TENM2: variants seen among roughly 807,000 people sequenced by gnomAD.
The protein encoded by TENM2 is teneurin transmembrane protein 2.
A neutral mutation model predicts 245.2 loss-of-function variants in TENM2; 52 were observed. The ratio of observed to expected loss-of-function variants is 0.21; its 90% CI spans 0.17 to 0.27. The LOEUF is 0.27. Among genes scored for constraint, TENM2 ranks in the 10% least tolerant of loss-of-function variants. TENM2 has a pLI of 1.00. For missense variants in TENM2, 3,046 were observed against 3,666.8 expected (o/e 0.83, Z 4.37); for synonymous variants, 1,363 against 1,438.9 (o/e 0.95, Z 1.19).
At chr5:167,306,501 C>A (rs1045925540) in intron 1 of TENM2, 4 of 150,334 alleles carry the variant, frequency 2.7e-5, no homozygotes, top group South Asian at 4.2e-4. Flanking sequence ...AAAAAAAAAA[C>A]AACAACTAGA....
At chr5:167,152,187 T>C in the TENM2 span, among the ~76,000 whole-genome samples, 2 of 152,232 alleles carry the variant, frequency 1.3e-5, no homozygotes, top group African/African-American at 4.8e-5. Context: ...ATTTTCTTTT[T>C]CTTCACAAGG....
the TENM2 span, among the ~76,000 whole-genome samples, chr5:167,022,384 A>G: frequency 6.6e-6 from 1 of 152,238 alleles, no homozygotes; most frequent in Admixed American, 6.5e-5. Flanking sequence ...GCCAGATGCA[A>G]AAGAGAGTAC....
rs982872291 is a variant in TENM2, at chr5:167,882,168, C to A, written c.712+5973C>A. 7.9e-5 allele frequency among the ~76,000 whole-genome samples: 12 copies of A among 152,170 alleles called. 1 individual carries two copies. In the South Asian group the frequency reaches 1.2e-3, roughly 16 times the overall value. ...ACAGTGAAAGCGTTGTATTAAAGGG[C>A]ATGGGTTACAATTTTTTAAAGATTT... On this transcript the variant is annotated intron_variant, in intron 3 of 28. Coordinates refer to ENST00000518659, the Ensembl canonical transcript of TENM2.
chr5:168,249,300 A>G (rs1038622005), intron 27 of TENM2, among the ~76,000 whole-genome samples: 1 of 152,134 alleles, frequency 6.6e-6, no homozygotes, highest in Non-Finnish European at 1.5e-5. Flanking sequence ...GGTGAGAGAC[A>G]TATTCAAATA....
intron 2 of TENM2, among the ~76,000 whole-genome samples, chr5:167,486,082 T>C (rs1477130320): frequency 6.6e-6 from 1 of 152,108 alleles, no homozygotes; most frequent in East Asian, 1.9e-4. Flanking sequence ...AAAAAAATTA[T>C]GGAAGCATAT....
At chr5:167,677,387 G>C (rs11949815) in intron 2 of TENM2, among the ~76,000 whole-genome samples, 69,582 of 151,494 alleles carry the variant, frequency 0.46, 18,409 homozygotes, top group East Asian at 0.94. Context: ...AATAGATGAG[G>C]TAGAGAACAA....
intron 2 of TENM2, among the ~76,000 whole-genome samples, chr5:167,676,828 G>A (rs972440600): frequency 1.3e-5 from 2 of 151,968 alleles, no homozygotes; most frequent in Non-Finnish European, 2.9e-5. Context: ...CTTTCAAAAC[G>A]CCCTTGAAAA....
At chr5:167,551,482 G>A (rs1772938745) in intron 2 of TENM2, among the ~76,000 whole-genome samples, 2 of 152,082 alleles carry the variant, frequency 1.3e-5, no homozygotes, top group Non-Finnish European at 2.9e-5. Flanking sequence ...GAAGTACATA[G>A]TAACTGTATG....
chr5:168,226,347 C>G, intron 24 of TENM2, 84 bp downstream of exon 26: 1 of 1,321,268 alleles, frequency 7.6e-7, no homozygotes. Context: ...AGTTATGCAG[C>G]CTGGGAGGAC....
intron 3 of TENM2, among the ~76,000 whole-genome samples, chr5:167,947,370 C>G (rs1458329195): frequency 6.6e-6 from 1 of 152,106 alleles, no homozygotes; most frequent in Non-Finnish European, 1.5e-5. Context: ...TTTGACTCTC[C>G]TAACAATCAT....
At chr5:168,029,190 A>G (rs1786889898) in intron 5 of TENM2, among the ~76,000 whole-genome samples, 2 of 152,086 alleles carry the variant, frequency 1.3e-5, no homozygotes, top group South Asian at 4.1e-4. Context: ...CACCAACCCC[A>G]CTCATAACCT....
intron 2 of TENM2, among the ~76,000 whole-genome samples, chr5:167,472,514 G>A (rs963989933): frequency 6.6e-6 from 1 of 152,074 alleles, no homozygotes; most frequent in Non-Finnish European, 1.5e-5. Flanking sequence ...GCCTAAAATT[G>A]GCTGGTTTGC....
At chr5:167,426,767 G>T (rs67258610) in intron 2 of TENM2, among the ~76,000 whole-genome samples, 26,378 of 151,908 alleles carry the variant, frequency 0.17, 2,468 homozygotes, top group Middle Eastern at 0.28. Context: ...GTTTATCAGC[G>T]AATGTTTATC....
rs914596417 is a variant in TENM2, at chr5:168,199,959, C to T, written c.3258C>T (p.Thr1086=). The change falls in exon 17 of 29, where the codon ACC becomes ACT. Residue 1086 remains threonine (T), a synonymous_variant. Coordinates refer to ENST00000518659, the Ensembl canonical transcript of TENM2. Reference sequence around the variant, plus strand: ...GGTACAAGTCACTGCTGAAGATCACCATGACCCAGTCCACAGTGCCCCTGA... The same window carrying T: ...GGTACAAGTCACTGCTGAAGATCACTATGACCCAGTCCACAGTGCCCCTGA... 7 of 1,613,864 alleles carry T rather than the reference C, an allele frequency of 4.3e-6. No homozygotes were observed. In the African/African-American group the frequency reaches 8.0e-5, roughly 18 times the overall value.
the TENM2 span, among the ~76,000 whole-genome samples, chr5:166,985,365 T>C: frequency 1.3e-5 from 2 of 152,186 alleles, no homozygotes; most frequent in African/African-American, 4.8e-5. Context: ...TATTCTGTAG[T>C]TGGCCACCAT....
intron 2 of TENM2, among the ~76,000 whole-genome samples, chr5:167,435,068 C>T (rs879369579): frequency 6.6e-6 from 1 of 152,120 alleles, no homozygotes; most frequent in African/African-American, 2.4e-5. Flanking sequence ...TTCTATACCT[C>T]ATTTATGGAT....
chr5:167,470,497 C>T (rs1766957955), intron 2 of TENM2, among the ~76,000 whole-genome samples: 1 of 71,096 alleles, frequency 1.4e-5, no homozygotes, highest in Non-Finnish European at 2.7e-5. Flanking sequence ...GGCTATTTTC[C>T]TCAAAATCTA....
intron 2 of TENM2, among the ~76,000 whole-genome samples, chr5:167,746,627 C>T (rs1302997697): frequency 6.9e-6 from 1 of 145,396 alleles, no homozygotes; most frequent in African/African-American, 2.5e-5. Context: ...GTGTCATCTA[C>T]CTTTTTCCTT....
At chr5:167,095,043 G>A in the TENM2 span, among the ~76,000 whole-genome samples, 1 of 152,152 alleles carries the variant, frequency 6.6e-6, no homozygotes, top group Non-Finnish European at 1.5e-5. Flanking sequence ...AGTACATTAT[G>A]TACTCTAATT....
Sources: gnomAD v4.1 joint callset for allele counts (sites outside exome capture counted in the v4.1 genomes callset) on GRCh38, gnomAD v4.1.1 for gene constraint, MANE v1.5 for transcripts, NCBI Gene and HGNC (gene_info 2026-07-23, HGNC 2026-07-21) for gene names.